Variants in PRRC1 observed in about 807,000 individuals in gnomAD.
PRRC1 encodes proline rich coiled-coil 1.
Under a neutral mutation model 40.7 loss-of-function variants are expected in PRRC1, and 39 were observed. The ratio of observed to expected loss-of-function variants is 0.96; its 90% CI spans 0.74 to 1.25. PRRC1 has a LOEUF of 1.25. Among genes scored for constraint, PRRC1 ranks in the 50% most tolerant of loss-of-function variants. The pLI is 0.00. For missense variants in PRRC1, 573 were observed against 548.3 expected (o/e 1.05, Z -0.45); for synonymous variants, 175 against 193.3 (o/e 0.91, Z 0.79).
Position 127,524,531 on chromosome 5 carries a change from C to T in PRRC1, c.104C>T (p.Ala35Val), listed in dbSNP as rs61736664. The T allele has an allele frequency of 0.021, 32,561 of 1,586,638 alleles. 421 individuals carry two copies. The highest frequency in any genetic ancestry group is 0.025 in the Non-Finnish European group (28,643 of 1,164,480). The change falls in exon 3 of 9, where the codon GCG becomes GTG. Residue 35 changes from alanine to valine, a missense_variant and splice_region_variant. Ala to Val is a moderately conservative substitution (Grantham distance 64, BLOSUM62 0). Transcript: ENST00000296666. ...TAMSSTPVPL[A>V]ATSSFSSPNV... ...TTTTATCCTCTCCACTTTTTTCTAG[C>T]GGCAACCAGTTCTTTTTCTTCTCCA... is the stretch of plus-strand genomic sequence containing the variant.
chr5:127,523,160 G>A (rs896036333), intron 1 of PRRC1, among the ~76,000 whole-genome samples: 2 of 152,030 alleles, frequency 1.3e-5, no homozygotes, highest in Non-Finnish European at 2.9e-5. Context: ...AATCAAATTA[G>A]TAATTTACTA....
intron 7 of PRRC1, among the ~76,000 whole-genome samples, chr5:127,547,338 A>G (rs1667811366): frequency 6.6e-6 from 1 of 152,122 alleles, no homozygotes; most frequent in Non-Finnish European, 1.5e-5. Flanking sequence ...AGGATTTATT[A>G]TTAATGAAGA....
intron 6 of PRRC1, among the ~76,000 whole-genome samples, chr5:127,534,741 A>G (rs930941059): frequency 1.3e-5 from 2 of 152,174 alleles, no homozygotes; most frequent in South Asian, 2.1e-4. Flanking sequence ...TTCCAAATTT[A>G]TATCTCCACC....
chr5:127,531,617 C>CTTTTTT (rs60179366), intron 5 of PRRC1, among the ~76,000 whole-genome samples: 1,027 of 99,526 alleles, frequency 0.01, 80 homozygotes, highest in African/African-American at 0.04. Flanking sequence ...TCTTCTTCTT[C>CTTTTTT]TTTTTTTTTT....
chr5:127,519,280 A>G (rs187132978), intron 1 of PRRC1, among the ~76,000 whole-genome samples: 1 of 152,314 alleles, frequency 6.6e-6, no homozygotes, highest in African/African-American at 2.4e-5. Context: ...TTCGATGTAT[A>G]GGTACTGAAT....
At chr5:127,533,576 T>A in intron 5 of PRRC1, 47 bp from the exon 6 acceptor site, 1 of 1,519,610 alleles carries the variant, frequency 6.6e-7, no homozygotes, top group Non-Finnish European at 9.0e-7. Flanking sequence ...ATTATGAGAA[T>A]TTCATTATTT....
chr5:127,529,682 T>A (rs1429793287), intron 4 of PRRC1, among the ~76,000 whole-genome samples: 1 of 152,150 alleles, frequency 6.6e-6, no homozygotes, highest in Non-Finnish European at 1.5e-5. Context: ...AAGACTTGGT[T>A]CCTTTTAGTA....
At chr5:127,527,757 C>CA (rs11395244) in intron 4 of PRRC1, among the ~76,000 whole-genome samples, 35,466 of 79,616 alleles carry the variant, frequency 0.45, 6,862 homozygotes, top group East Asian at 0.62. Flanking sequence ...GACACTGTCT[C>CA]AAAAAAAAAA....
chr5:127,520,302 T>C (rs1344588229), intron 1 of PRRC1, among the ~76,000 whole-genome samples: 1 of 152,246 alleles, frequency 6.6e-6, no homozygotes, highest in Non-Finnish European at 1.5e-5. Flanking sequence ...TTACTTCTGA[T>C]GGAACTACTT....
rs1211373026 is a variant in PRRC1, at chr5:127,526,705, A to G, written c.581A>G (p.Glu194Gly). ...TGTTSAITFPEEQEDPRITRG... is the reference protein window; with the variant it reads ...TGTTSAITFPGEQEDPRITRG... ...ACCACATCAGCCATTACTTTCCCAG[A>G]GGAGCAAGAAGACCCTAGAATTACT... The change falls in exon 4 of 9, where the codon GAG (glutamate) becomes GGG (glycine). Residue 194 changes from glutamate to glycine, a missense_variant. Physicochemically the swap from Glu to Gly is moderately conservative, Grantham distance 98. Coordinates refer to ENST00000296666, the MANE Select transcript of PRRC1 (RefSeq NM_130809.5). The G allele has an allele frequency of 6.2e-7, 1 of 1,613,712 alleles. No individual in the cohort carries two copies. Among genetic ancestry groups the G allele is most frequent in the Non-Finnish European group, 8.5e-7 (1 of 1,179,756 alleles).
intron 1 of PRRC1, among the ~76,000 whole-genome samples, chr5:127,522,482 C>T (rs1407426523): frequency 2.6e-5 from 4 of 152,162 alleles, no homozygotes; most frequent in Non-Finnish European, 4.4e-5. Context: ...CCTCAACCTC[C>T]TGGGATCAGG....
Position 127,552,278 on chromosome 5 carries a change from A to G in PRRC1, c.*362A>G. On this transcript the variant is annotated 3_prime_UTR_variant, in exon 9 of 9. Coordinates refer to ENST00000296666, the MANE Select transcript of PRRC1 (RefSeq NM_130809.5). Reference sequence around the variant, plus strand: ...TTCTTTAAAGAAGACATTATTAAAGAACATGTTGGTTGAATGTTTATAAAA... The same window carrying G: ...TTCTTTAAAGAAGACATTATTAAAGGACATGTTGGTTGAATGTTTATAAAA... 9.6e-7 allele frequency: 1 copy of G among 1,046,916 alleles called. No homozygotes were observed. Among genetic ancestry groups the G allele is most frequent in the South Asian group, 3.4e-5 (1 of 29,492 alleles). The allele number at this position is 1,046,916 out of a possible 1,614,324, so 64.9% of individuals were successfully genotyped here.
At chr5:127,537,758 A>G (rs1485161135) in intron 6 of PRRC1, among the ~76,000 whole-genome samples, 1 of 151,864 alleles carries the variant, frequency 6.6e-6, no homozygotes, top group East Asian at 1.9e-4. Context: ...ATGTTTACTT[A>G]AGCTTTTTAA....
At chr5:127,551,646 A>C in intron 8 of PRRC1, 61 bp from the exon 9 acceptor site, 1 of 1,499,960 alleles carries the variant, frequency 6.7e-7, no homozygotes. Context: ...TGTCACTTAT[A>C]GCTAGTTCCA....
At chr5:127,525,920 G>GT (rs1159241245) in intron 3 of PRRC1, among the ~76,000 whole-genome samples, 5 of 152,066 alleles carry the variant, frequency 3.3e-5, no homozygotes, top group Admixed American at 1.3e-4. Context: ...AGGGAGTAGT[G>GT]TTTTTTTAGC....
At chr5:127,551,230 C>A in intron 8 of PRRC1, 1 of 162,012 alleles carries the variant, frequency 6.2e-6, no homozygotes, top group Non-Finnish European at 1.4e-5. Context: ...AATGTTGCAT[C>A]AGTGGTTGAT....
intron 3 of PRRC1, among the ~76,000 whole-genome samples, chr5:127,525,330 A>G (rs943141442): frequency 1.3e-5 from 2 of 152,220 alleles, no homozygotes; most frequent in African/African-American, 2.4e-5. Flanking sequence ...AGGTTCATCC[A>G]TGTTGTAGCA....
chr5:127,548,228 A>G (rs982045573), intron 8 of PRRC1: 2 of 508,416 alleles, frequency 3.9e-6, no homozygotes, highest in African/African-American at 2.0e-5. Context: ...TAGTTGTTTT[A>G]TGTCCGCCTT....
chr5:127,531,726 T>G (rs560359648), intron 5 of PRRC1, among the ~76,000 whole-genome samples: 111 of 150,106 alleles, frequency 7.4e-4, no homozygotes, highest in Non-Finnish European at 1.3e-3. Context: ...GGGTTCAAGT[T>G]ATTCTTATGT....
Sources: allele counts gnomAD v4.1 joint callset (sites outside exome capture counted in the v4.1 genomes callset), GRCh38; gene constraint gnomAD v4.1.1; transcripts MANE v1.5; gene names NCBI Gene and HGNC (gene_info 2026-07-23, HGNC 2026-07-21).